TENM3: variants seen among roughly 807,000 people sequenced by gnomAD.
The protein encoded by TENM3 is teneurin-3.
Under a neutral mutation model 255.1 loss-of-function variants are expected in TENM3, and 63 were observed. The ratio of observed to expected loss-of-function variants is 0.25; its 90% CI spans 0.20 to 0.30. TENM3 has a LOEUF of 0.30. TENM3 is among the 10% of genes least tolerant of loss of function. The probability of loss-of-function intolerance (pLI) is 1.00; values close to 1 mark genes in which losing one functional copy is unlikely to be tolerated. For missense variants in TENM3, 2,929 were observed against 3,461.1 expected, an observed-to-expected ratio of 0.85 and a Z score of 3.86; for synonymous variants, 1,306 against 1,322.3, an observed-to-expected ratio of 0.99 and a Z score of 0.27.
chr4:182,164,251 C>A (rs986054812), intron 1 of TENM3, among the ~76,000 whole-genome samples: 4 of 152,176 alleles, frequency 2.6e-5, no homozygotes, highest in Non-Finnish European at 5.9e-5. Context: ...TTCCTGCAAA[C>A]CTCATCTTTC....
At chr4:181,699,922 G>C in the TENM3 span, among the ~76,000 whole-genome samples, 1 of 152,186 alleles carries the variant, frequency 6.6e-6, no homozygotes, top group Non-Finnish European at 1.5e-5. Context: ...TTAAGAGAAA[G>C]ATAATGACAA....
At chr4:182,725,793 G>A (rs1362043908) in intron 13 of TENM3, among the ~76,000 whole-genome samples, 4 of 151,268 alleles carry the variant, frequency 2.6e-5, no homozygotes, top group Non-Finnish European at 4.4e-5. Context: ...CCACCACCAC[G>A]CCCCTCTAAT....
chr4:182,354,597 T>A (rs915962682), intron 3 of TENM3, among the ~76,000 whole-genome samples: 1 of 152,206 alleles, frequency 6.6e-6, no homozygotes, highest in African/African-American at 2.4e-5. Context: ...TAACATTACA[T>A]ACACATATAA....
intron 1 of TENM3, among the ~76,000 whole-genome samples, chr4:182,260,146 C>T (rs1758686768): frequency 6.6e-6 from 1 of 152,112 alleles, no homozygotes; most frequent in South Asian, 2.1e-4. Context: ...TGTTGATGGA[C>T]ACTTAGGGCG....
chr4:181,492,653 A>C, the TENM3 span, among the ~76,000 whole-genome samples: 1 of 152,100 alleles, frequency 6.6e-6, no homozygotes, highest in Non-Finnish European at 1.5e-5. Context: ...CGTAGATTCT[A>C]TCATTGTTCT....
chr4:182,743,585 C>T (rs1410737682), intron 19 of TENM3, among the ~76,000 whole-genome samples, 166 bp downstream of exon 19: 1 of 152,120 alleles, frequency 6.6e-6, no homozygotes, highest in African/African-American at 2.4e-5. Flanking sequence ...AGAAGCATAA[C>T]ACATATAAAT....
chr4:182,544,484 C>T (rs1392310442), intron 3 of TENM3, among the ~76,000 whole-genome samples: 1 of 151,984 alleles, frequency 6.6e-6, no homozygotes, highest in African/African-American at 2.4e-5. Context: ...GGGCCCACCA[C>T]CATGCCTGGC....
At chr4:181,578,225 T>A in the TENM3 span, among the ~76,000 whole-genome samples, 1 of 90,944 alleles carries the variant, frequency 1.1e-5, no homozygotes, top group Non-Finnish European at 2.2e-5. Context: ...GGAAGATGTC[T>A]TTCCTTTTCT....
chr4:182,521,634 G>A (rs570622835), intron 3 of TENM3, among the ~76,000 whole-genome samples: 23 of 152,186 alleles, frequency 1.5e-4, no homozygotes, highest in African/African-American at 5.3e-4. Context: ...TCACTTCTTT[G>A]TACTTTAATG....
chr4:182,126,594 G>A, the TENM3 span, among the ~76,000 whole-genome samples: 6 of 152,134 alleles, frequency 3.9e-5, no homozygotes, highest in Non-Finnish European at 7.4e-5. Context: ...TGATCTTCTT[G>A]CTGTGCCCAT....
the TENM3 span, among the ~76,000 whole-genome samples, chr4:181,985,274 C>T: frequency 6.6e-6 from 1 of 150,918 alleles, no homozygotes; most frequent in African/African-American, 2.4e-5. Flanking sequence ...CCCCTAAAAA[C>T]ATCCCCAGGC....
the TENM3 span, among the ~76,000 whole-genome samples, chr4:182,096,142 AAAG>A: frequency 4.6e-5 from 7 of 151,682 alleles, no homozygotes; most frequent in Admixed American, 2.0e-4. Flanking sequence ...AAAAAAAAAA[AAAG>A]AAGATAAGTA....
chr4:182,730,932 C>T lies in TENM3; in HGVS notation c.2760C>T (p.Ser920=), dbSNP rs1344498033. The part of the protein sequence containing the change: ...GASLTLVFER[S]PFLTQYHTVW... ...CTCTAACTTTGGTATTTGAACGATC[C>T]CCATTCCTCACTCAGTATCATACTG... Residue 920 remains serine (S), a synonymous_variant, in exon 16 of 28, where the codon TCC becomes TCT. Coordinates refer to ENST00000511685, the MANE Select transcript of TENM3 (RefSeq NM_001080477.4). 3 of 1,613,724 alleles carry T rather than the reference C, an allele frequency of 1.9e-6. No homozygotes were observed. Among genetic ancestry groups the T allele is most frequent in the East Asian group, 2.2e-5 (1 of 44,878 alleles).
At chr4:182,386,947 G>A (rs570208246) in intron 3 of TENM3, among the ~76,000 whole-genome samples, 7 of 152,246 alleles carry the variant, frequency 4.6e-5, no homozygotes, top group Non-Finnish European at 5.9e-5. Context: ...CACATGGCGC[G>A]GGGCTGGCAG....
chr4:182,500,672 A>G (rs1158327883), intron 3 of TENM3, among the ~76,000 whole-genome samples: 1 of 152,128 alleles, frequency 6.6e-6, no homozygotes, highest in African/African-American at 2.4e-5. Flanking sequence ...TGTAAGAGAG[A>G]CAAATGTATG....
At chr4:182,415,483 G>A (rs1395173039) in intron 3 of TENM3, among the ~76,000 whole-genome samples, 1 of 152,146 alleles carries the variant, frequency 6.6e-6, no homozygotes, top group Non-Finnish European at 1.5e-5. Context: ...TGGCAGCCAG[G>A]TTTGAACATT....
At chr4:181,448,224 T>C in the TENM3 span, among the ~76,000 whole-genome samples, 4 of 130,756 alleles carry the variant, frequency 3.1e-5, no homozygotes, top group Non-Finnish European at 4.7e-5. Flanking sequence ...TGGAGTGCAG[T>C]GGCGCGATCT....
intron 12 of TENM3, among the ~76,000 whole-genome samples, chr4:182,701,333 G>A (rs1183059959): frequency 6.9e-6 from 1 of 144,670 alleles, no homozygotes; most frequent in Non-Finnish European, 1.5e-5. Context: ...CAATTCTCCT[G>A]CCTCAGCCTC....
At chr4:182,572,235 T>C (rs1438349102) in intron 3 of TENM3, among the ~76,000 whole-genome samples, 1 of 152,224 alleles carries the variant, frequency 6.6e-6, no homozygotes, top group Non-Finnish European at 1.5e-5. Context: ...GACTTTGTAC[T>C]GATTCTTGAG....
Sources: gnomAD v4.1 joint callset for allele counts (sites outside exome capture counted in the v4.1 genomes callset) on GRCh38, gnomAD v4.1.1 for gene constraint, MANE v1.5 for transcripts, NCBI Gene and HGNC (gene_info 2026-07-23, HGNC 2026-07-21) for gene names.